Variants in EDAR observed in about 807,000 individuals in gnomAD.
EDAR encodes the protein tumor necrosis factor receptor superfamily member EDAR.
Under a neutral mutation model 51.3 loss-of-function variants are expected in EDAR, and 38 were observed. The ratio of observed to expected loss-of-function variants is 0.74; its 90% confidence interval spans 0.57 to 0.97. The LOEUF is 0.97. Among genes scored for constraint, EDAR ranks in the 50% least tolerant of loss-of-function variants. The pLI is 0.00. For missense variants in EDAR, 528 were observed against 595.0 expected (o/e 0.89, Z 1.17); for synonymous variants, 227 against 242.1 (o/e 0.94, Z 0.58).
intron 1 of EDAR, among the ~76,000 whole-genome samples, chr2:108,984,955 C>A (rs567223401): frequency 6.6e-6 from 1 of 152,152 alleles, no homozygotes; most frequent in Non-Finnish European, 1.5e-5. Context: ...GGAAATATGG[C>A]AAATGGAAGT....
intron 1 of EDAR, among the ~76,000 whole-genome samples, chr2:108,956,428 A>T (rs1187213394): frequency 6.6e-6 from 1 of 152,150 alleles, no homozygotes; most frequent in East Asian, 1.9e-4. Flanking sequence ...TCCTGATGCC[A>T]CTCAAATCCC....
intron 1 of EDAR, among the ~76,000 whole-genome samples, chr2:108,934,197 T>C (rs2105456040): frequency 6.6e-6 from 1 of 152,118 alleles, no homozygotes; most frequent in South Asian, 2.1e-4. Flanking sequence ...TGGCCTTAGA[T>C]GTGTTTCATT....
intron 1 of EDAR, among the ~76,000 whole-genome samples, chr2:108,988,707 G>C (rs750469150): frequency 9.2e-5 from 14 of 152,188 alleles, no homozygotes; most frequent in Non-Finnish European, 1.8e-4. Context: ...AGCACACACA[G>C]AATTTGTCTC....
At chr2:108,947,513 G>C (rs1697735952) in intron 1 of EDAR, among the ~76,000 whole-genome samples, 1 of 152,178 alleles carries the variant, frequency 6.6e-6, no homozygotes, top group Non-Finnish European at 1.5e-5. Context: ...CTTCTGCCTG[G>C]ACATCCAGGC....
At chr2:108,912,529 G>C (rs551726057) in intron 6 of EDAR, 149 bp downstream of exon 6, 1 of 763,092 alleles carries the variant, frequency 1.3e-6, no homozygotes, top group African/African-American at 1.7e-5. Flanking sequence ...TGCACGGGGG[G>C]CAACATGTCA....
intron 5 of EDAR, among the ~76,000 whole-genome samples, chr2:108,919,911 G>A (rs1290735965): frequency 1.3e-5 from 2 of 152,222 alleles, no homozygotes; most frequent in East Asian, 1.9e-4. Context: ...CCATCTCTGG[G>A]TTAGCTATCT....
chr2:108,901,968 G>GGA (rs1193638936), intron 11 of EDAR, among the ~76,000 whole-genome samples: 1 of 152,156 alleles, frequency 6.6e-6, no homozygotes, highest in Non-Finnish European at 1.5e-5. Flanking sequence ...GGCTGGGCAT[G>GGA]GTGGCTCAAG....
At chr2:108,945,819 TATC>T (rs953233057) in intron 1 of EDAR, among the ~76,000 whole-genome samples, 1 of 152,152 alleles carries the variant, frequency 6.6e-6, no homozygotes. Flanking sequence ...AAAGGACAAA[TATC>T]ATGTGATCCC....
chr2:108,938,463 G>T (rs1697520101), intron 1 of EDAR, among the ~76,000 whole-genome samples: 1 of 152,212 alleles, frequency 6.6e-6, no homozygotes, highest in Admixed American at 6.5e-5. Context: ...GTGCTCGGGT[G>T]CTCTGCACTC....
chr2:108,976,188 G>A (rs991752915), intron 1 of EDAR, among the ~76,000 whole-genome samples: 4 of 152,094 alleles, frequency 2.6e-5, no homozygotes, highest in Non-Finnish European at 5.9e-5. Context: ...ACATCCTTAG[G>A]CTCTTCTTGG....
In EDAR at chr2:108,968,879, C is replaced by T. The variant is rs115478429; in HGVS notation, c.-19+20081G>A. 8.8e-3 allele frequency among the ~76,000 whole-genome samples: 1,345 copies of T among 152,302 alleles called. 14 individuals are homozygous for T. The highest frequency in any genetic ancestry group is 0.029 in the African/African-American group (1,216 of 41,572). ...GCACTATTTGGCCAAAGCCCAGTCACGGTAGGGTTACATGTTAGCTTGCAG... is the reference window on the plus strand; with the variant it reads ...GCACTATTTGGCCAAAGCCCAGTCATGGTAGGGTTACATGTTAGCTTGCAG... On this transcript the variant is annotated intron_variant, in intron 1 of 11. Transcript: ENST00000258443.
At chr2:108,975,496 C>G (rs528442976) in intron 1 of EDAR, among the ~76,000 whole-genome samples, 5 of 152,292 alleles carry the variant, frequency 3.3e-5, no homozygotes, top group African/African-American at 4.8e-5. Context: ...CCTGGGTCAA[C>G]CCGCGGTAGC....
chr2:108,951,776 G>A lies in EDAR; in HGVS notation c.-18-20744C>T, dbSNP rs189572994. On this transcript the variant is annotated intron_variant, in intron 1 of 11. Transcript: ENST00000258443. ...CTTAGATCTATGATATGCAGTGAAA[G>A]CTCTTGGCAACACTATATCAGAACC... is the stretch of plus-strand genomic sequence containing the variant. 1.4e-4 allele frequency among the ~76,000 whole-genome samples: 21 copies of A among 152,140 alleles called. No homozygotes were observed. The East Asian group carries it at 2.1e-3, about 15-fold the overall frequency.
chr2:108,913,919 C>A (rs1323708003), intron 5 of EDAR, among the ~76,000 whole-genome samples: 6 of 142,808 alleles, frequency 4.2e-5, no homozygotes, highest in African/African-American at 1.6e-4. Flanking sequence ...CACTGCACTC[C>A]AGCCTGGGTG....
At chr2:108,921,199 G>C (rs1469094173) in intron 5 of EDAR, among the ~76,000 whole-genome samples, 2 of 152,110 alleles carry the variant, frequency 1.3e-5, no homozygotes, top group Admixed American at 1.3e-4. Flanking sequence ...CATAGGGTTA[G>C]AGCCTGGGAG....
intron 1 of EDAR, among the ~76,000 whole-genome samples, chr2:108,970,048 G>A (rs752816866): frequency 1.3e-5 from 2 of 152,318 alleles, no homozygotes; most frequent in Admixed American, 6.5e-5. Flanking sequence ...TCTGGATGAC[G>A]TGATGAGTCT....
At chr2:108,908,504 C>T (rs946866438) in intron 9 of EDAR, among the ~76,000 whole-genome samples, 28 of 152,124 alleles carry the variant, frequency 1.8e-4, no homozygotes, top group Non-Finnish European at 4.4e-5. Flanking sequence ...GAGCCTTGTG[C>T]CTGGAAAGCC....
chr2:108,962,445 T>C (rs1698066182), intron 1 of EDAR, among the ~76,000 whole-genome samples: 1 of 151,776 alleles, frequency 6.6e-6, no homozygotes, highest in African/African-American at 2.4e-5. Context: ...AGGCCGAGGC[T>C]GGTGGATCAT....
intron 2 of EDAR, 89 bp downstream of exon 2, chr2:108,930,875 T>C (rs1697354007): frequency 1.4e-5 from 20 of 1,411,660 alleles, no homozygotes; most frequent in Middle Eastern, 2.0e-4. Context: ...ATGATCAGCA[T>C]TCCCATTTTA....
Sources: gnomAD v4.1 joint callset for allele counts (sites outside exome capture counted in the v4.1 genomes callset) on GRCh38, gnomAD v4.1.1 for gene constraint, MANE v1.5 for transcripts, NCBI Gene and HGNC (gene_info 2026-07-23, HGNC 2026-07-21) for gene names.